Variants in BACH2 observed in about 807,000 individuals in gnomAD.
BACH2 encodes BACH transcriptional regulator 2.
Under a neutral mutation model 61.8 loss-of-function variants are expected in BACH2, and 5 were observed. The ratio of observed to expected loss-of-function variants is 0.08; its 90% CI spans 0.04 to 0.17. BACH2 has a LOEUF of 0.17. Ranked by LOEUF, BACH2 falls within the 10% of genes least tolerant of loss-of-function variation. BACH2 has a pLI of 1.00. For synonymous variants in BACH2, 446 were observed against 440.1 expected, an observed-to-expected ratio of 1.01 and a Z score of -0.17; for missense variants, 824 against 1,091.1, an observed-to-expected ratio of 0.76 and a Z score of 3.45.
intron 4 of BACH2, among the ~76,000 whole-genome samples, chr6:90,129,195 G>A (rs1298805634): frequency 6.6e-6 from 1 of 152,130 alleles, no homozygotes; most frequent in African/African-American, 2.4e-5. Context: ...TTGCGCACAT[G>A]TACCCTAAAA....
At chr6:90,201,295 T>C (rs1217487452) in intron 4 of BACH2, among the ~76,000 whole-genome samples, 2 of 152,214 alleles carry the variant, frequency 1.3e-5, no homozygotes, top group Non-Finnish European at 2.9e-5. Flanking sequence ...AAGGTGTTCT[T>C]TCATTAACTG....
At chr6:90,202,642 T>C (rs1768994561) in intron 4 of BACH2, among the ~76,000 whole-genome samples, 1 of 152,170 alleles carries the variant, frequency 6.6e-6, no homozygotes, top group Non-Finnish European at 1.5e-5. Context: ...GGTCATTTTG[T>C]ATAATAATGG....
intron 6 of BACH2, among the ~76,000 whole-genome samples, chr6:89,975,603 C>T (rs1016657737): frequency 6.6e-6 from 1 of 152,184 alleles, no homozygotes; most frequent in African/African-American, 2.4e-5. Flanking sequence ...TGGTAATGTA[C>T]TTCTTCCTTT....
intron 4 of BACH2, among the ~76,000 whole-genome samples, chr6:90,196,484 C>T (rs578035642): frequency 2.1e-3 from 322 of 152,164 alleles, no homozygotes; most frequent in Non-Finnish European, 3.6e-3. Flanking sequence ...TTTAATATTC[C>T]TTTTCTTATC....
rs1784370106 is a variant in BACH2 at position 90,138,855 on chromosome 6, T to A, written c.-161-49746A>T. On this transcript the variant is annotated intron_variant, in intron 4 of 8. Transcript: ENST00000257749. ...ACTCAATACCAAGACCCCACTTTAA[T>A]GTCTGTATGTATGTATTAATTCACG... is the stretch of plus-strand genomic sequence containing the variant. Among the ~76,000 whole-genome samples, 2 of 152,146 alleles carry A rather than the reference T, an allele frequency of 1.3e-5. 1 individual carries two copies. Among genetic ancestry groups the A allele is most frequent in the South Asian group, 4.2e-4 (2 of 4,812 alleles).
intron 6 of BACH2, among the ~76,000 whole-genome samples, chr6:90,006,227 CCTTTAAAAAGAGA>C (rs1306609970): frequency 1.3e-5 from 2 of 152,170 alleles, no homozygotes; most frequent in African/African-American, 4.8e-5. Context: ...CAAGACTCCA[CCTTTAAAAAGAGA>C]CTTACGTTTG....
chr6:90,283,338 C>A (rs1771914378), intron 1 of BACH2, among the ~76,000 whole-genome samples: 1 of 151,214 alleles, frequency 6.6e-6, no homozygotes, highest in Non-Finnish European at 1.5e-5. Context: ...GTCCTACTCA[C>A]TTTTTTTTCC....
intron 4 of BACH2, among the ~76,000 whole-genome samples, chr6:90,191,328 T>G (rs1313269763): frequency 6.6e-6 from 1 of 152,224 alleles, no homozygotes; most frequent in Non-Finnish European, 1.5e-5. Context: ...GAAGTGGCAG[T>G]CTACTAAACT....
chr6:89,977,873 T>G (rs1775739334), intron 6 of BACH2, among the ~76,000 whole-genome samples: 1 of 152,230 alleles, frequency 6.6e-6, no homozygotes, highest in African/African-American at 2.4e-5. Context: ...GTACGAAGAC[T>G]GTTACTAATA....
chr6:90,251,025 G>C (rs2127870141), intron 3 of BACH2, among the ~76,000 whole-genome samples: 1 of 152,226 alleles, frequency 6.6e-6, no homozygotes, highest in East Asian at 1.9e-4. Context: ...ATAGGCCCAA[G>C]TAATCTGATA....
chr6:90,167,098 G>A (rs539380651), intron 4 of BACH2, among the ~76,000 whole-genome samples: 13 of 152,228 alleles, frequency 8.5e-5, no homozygotes, highest in African/African-American at 3.1e-4. Context: ...CATGGAACAG[G>A]AAGGAGTCTG....
chr6:90,125,714 C>T (rs1476206350), intron 4 of BACH2, among the ~76,000 whole-genome samples: 1 of 152,180 alleles, frequency 6.6e-6, no homozygotes, highest in Admixed American at 6.5e-5. Flanking sequence ...TCCCTCACAC[C>T]CCCAGGGTGA....
intron 1 of BACH2, among the ~76,000 whole-genome samples, chr6:90,290,797 A>G (rs1421368447): frequency 2.0e-5 from 3 of 152,194 alleles, no homozygotes; most frequent in Non-Finnish European, 4.4e-5. Flanking sequence ...GGAGAATAGA[A>G]GATGGCCCAA....
intron 4 of BACH2, among the ~76,000 whole-genome samples, chr6:90,151,810 T>C (rs1397930406): frequency 6.6e-6 from 1 of 152,224 alleles, no homozygotes; most frequent in African/African-American, 2.4e-5. Context: ...TGAGTCATCT[T>C]GTATTTCTTA....
At chr6:90,157,841 T>C (rs969584871) in intron 4 of BACH2, among the ~76,000 whole-genome samples, 1 of 152,158 alleles carries the variant, frequency 6.6e-6, no homozygotes, top group African/African-American at 2.4e-5. Context: ...CTACTATATG[T>C]CCACTCCTGT....
intron 7 of BACH2, among the ~76,000 whole-genome samples, chr6:89,940,033 T>TG (rs1341605402): frequency 1.3e-5 from 2 of 151,570 alleles, no homozygotes; most frequent in Non-Finnish European, 2.9e-5. Context: ...TCTTTTGAGA[T>TG]GGAGTCTCGG....
At chr6:90,223,388 A>G (rs933980664) in intron 3 of BACH2, among the ~76,000 whole-genome samples, 10 of 152,344 alleles carry the variant, frequency 6.6e-5, no homozygotes, top group African/African-American at 2.4e-4. Context: ...ATGTTCCATA[A>G]TGTATAACTT....
intron 4 of BACH2, among the ~76,000 whole-genome samples, chr6:90,113,976 T>C (rs916542341): frequency 2.0e-5 from 3 of 152,072 alleles, no homozygotes; most frequent in African/African-American, 7.2e-5. Context: ...CAGGAAGAAA[T>C]TGATTCCCTG....
chr6:90,152,129 C>G (rs779186876), intron 4 of BACH2, among the ~76,000 whole-genome samples: 2 of 152,234 alleles, frequency 1.3e-5, no homozygotes, highest in African/African-American at 4.8e-5. Flanking sequence ...GAATAAATCT[C>G]TTTCTCCTTT....
Sources: gnomAD v4.1 joint callset for allele counts (sites outside exome capture counted in the v4.1 genomes callset) on GRCh38, gnomAD v4.1.1 for gene constraint, MANE v1.5 for transcripts, NCBI Gene and HGNC (gene_info 2026-07-23, HGNC 2026-07-21) for gene names.